Variants in SIK3 observed in about 807,000 individuals in gnomAD.
The protein encoded by SIK3 is serine/threonine-protein kinase SIK3.
A neutral mutation model predicts 144.2 loss-of-function variants in SIK3; 28 were observed. The ratio of observed to expected loss-of-function variants is 0.19; its 90% CI spans 0.14 to 0.27. The LOEUF is 0.27. SIK3 is among the 10% of genes least tolerant of loss of function. The pLI, the probability that SIK3 is intolerant of heterozygous loss-of-function variation, is 1.00. For missense variants in SIK3, 1,319 were observed against 1,776.0 expected (o/e 0.74, Z 4.62); for synonymous variants, 686 against 676.3 (o/e 1.01, Z -0.22).
intron 13 of SIK3, among the ~76,000 whole-genome samples, chr11:116,872,190 G>C (rs149761025): frequency 3.9e-4 from 59 of 152,340 alleles, no homozygotes; most frequent in African/African-American, 1.2e-3. Context: ...GAAAAAAGAA[G>C]TCAACAGTGA....
At chr11:117,061,017 T>G (rs1194667137) in intron 1 of SIK3, among the ~76,000 whole-genome samples, 1 of 152,076 alleles carries the variant, frequency 6.6e-6, no homozygotes, top group East Asian at 1.9e-4. Flanking sequence ...GAGGCTGAGG[T>G]GAAGGGATCG....
intron 1 of SIK3, among the ~76,000 whole-genome samples, chr11:117,076,712 T>C (rs1954557597): frequency 6.6e-6 from 1 of 152,108 alleles, no homozygotes; most frequent in African/African-American, 2.4e-5. Context: ...GTATTTTTAT[T>C]TTGTATTTTT....
chr11:117,020,089 C>T (rs570782091), intron 1 of SIK3, among the ~76,000 whole-genome samples: 1 of 151,950 alleles, frequency 6.6e-6, no homozygotes, highest in East Asian at 1.9e-4. Flanking sequence ...CCTTCCAAAC[C>T]CGGGGTTTGA....
intron 1 of SIK3, among the ~76,000 whole-genome samples, chr11:116,977,241 TCC>T (rs1949978525): frequency 3.9e-5 from 2 of 50,890 alleles, no homozygotes; most frequent in East Asian, 7.9e-4. Flanking sequence ...CCTCCCTCCC[TCC>T]CTCCCTTCCT....
chr11:117,009,547 A>G (rs575747709), intron 1 of SIK3, among the ~76,000 whole-genome samples: 1 of 150,834 alleles, frequency 6.6e-6, no homozygotes, highest in Admixed American at 6.6e-5. Context: ...GTGACAAAGC[A>G]GGTCTCAAAA....
At chr11:117,075,840 C>CTTTTTTT (rs1037271983) in intron 1 of SIK3, among the ~76,000 whole-genome samples, 2 of 40,918 alleles carry the variant, frequency 4.9e-5, no homozygotes, top group African/African-American at 1.6e-4. Flanking sequence ...CCAAGCCTGG[C>CTTTTTTT]TTTTTTTTTT....
chr11:117,020,361 C>G (rs77256870), intron 1 of SIK3, among the ~76,000 whole-genome samples: 10,499 of 150,862 alleles, frequency 0.07, 650 homozygotes, highest in African/African-American at 0.16. Flanking sequence ...GGTTCCTGAA[C>G]AGCTCCAGAG....
chr11:116,954,745 A>C (rs1336831176), intron 2 of SIK3, among the ~76,000 whole-genome samples: 1 of 152,130 alleles, frequency 6.6e-6, no homozygotes, highest in Non-Finnish European at 1.5e-5. Flanking sequence ...CTTCCTTTTT[A>C]CATTTTCCAT....
chr11:116,978,635 C>T (rs1193300255), intron 1 of SIK3, among the ~76,000 whole-genome samples: 1 of 152,032 alleles, frequency 6.6e-6, no homozygotes, highest in Non-Finnish European at 1.5e-5. Flanking sequence ...TTCTGAGTAA[C>T]TAGAAATACG....
intron 4 of SIK3, among the ~76,000 whole-genome samples, chr11:116,907,682 T>G (rs1309513335): frequency 6.6e-6 from 1 of 152,168 alleles, no homozygotes; most frequent in African/African-American, 2.4e-5. Context: ...CCTTAGTTAT[T>G]ACAGTTTACT....
At chr11:117,095,127 A>G (rs1158560058) in intron 1 of SIK3, among the ~76,000 whole-genome samples, 3 of 149,674 alleles carry the variant, frequency 2.0e-5, no homozygotes, top group African/African-American at 7.4e-5. Flanking sequence ...GATGGAGTGC[A>G]GTATCCTACT....
chr11:116,879,589 A>T (rs997872459), intron 6 of SIK3, among the ~76,000 whole-genome samples: 1 of 152,172 alleles, frequency 6.6e-6, no homozygotes, highest in Non-Finnish European at 1.5e-5. Flanking sequence ...ATTCTATATT[A>T]CTGTTGTGAA....
intron 6 of SIK3, among the ~76,000 whole-genome samples, chr11:116,888,270 T>G (rs1196360354): frequency 6.6e-6 from 1 of 152,226 alleles, no homozygotes; most frequent in East Asian, 1.9e-4. Flanking sequence ...AGGAAGGATC[T>G]TGTGCATAAG....
At chr11:117,092,444 T>C (rs977898856) in intron 1 of SIK3, among the ~76,000 whole-genome samples, 8 of 152,164 alleles carry the variant, frequency 5.3e-5, no homozygotes, top group Admixed American at 3.3e-4. Context: ...CCCTGACCAC[T>C]CTATCTGAGG....
At chr11:117,065,199 C>T (rs1953956370) in intron 1 of SIK3, among the ~76,000 whole-genome samples, 1 of 151,144 alleles carries the variant, frequency 6.6e-6, no homozygotes, top group Non-Finnish European at 1.5e-5. Flanking sequence ...ATAATTTCGT[C>T]TCTAGTGATT....
chr11:116,891,236 G>A (rs1388087919), intron 6 of SIK3, among the ~76,000 whole-genome samples: 2 of 152,204 alleles, frequency 1.3e-5, no homozygotes, highest in Non-Finnish European at 2.9e-5. Flanking sequence ...AGGACTGCCT[G>A]AGCCCAGGAA....
intron 1 of SIK3, among the ~76,000 whole-genome samples, chr11:117,034,905 T>C (rs985688543): frequency 9.9e-5 from 15 of 152,240 alleles, no homozygotes; most frequent in African/African-American, 3.4e-4. Flanking sequence ...AATTGTAACA[T>C]GGCTACAGCA....
chr11:117,077,204 AAC>A (rs1292255817), intron 1 of SIK3, among the ~76,000 whole-genome samples: 1 of 152,212 alleles, frequency 6.6e-6, no homozygotes, highest in Non-Finnish European at 1.5e-5. Context: ...CAGGACATGA[AAC>A]ACTGCTCAAA....
chr11:116,965,916 CAG>C (rs1457346050), intron 1 of SIK3, among the ~76,000 whole-genome samples: 1 of 143,978 alleles, frequency 6.9e-6, no homozygotes, highest in African/African-American at 2.6e-5. Flanking sequence ...GCCTGGGTGA[CAG>C]AGCAAGACTC....
Sources: gnomAD v4.1 joint callset for allele counts (sites outside exome capture counted in the v4.1 genomes callset) on GRCh38, gnomAD v4.1.1 for gene constraint, MANE v1.5 for transcripts, NCBI Gene and HGNC (gene_info 2026-07-23, HGNC 2026-07-21) for gene names.